Variants in CACNA2D3 observed in about 807,000 individuals in gnomAD.
CACNA2D3 encodes the protein voltage-dependent calcium channel subunit alpha-2/delta-3.
Under a neutral mutation model 160.6 loss-of-function variants are expected in CACNA2D3, and 60 were observed. The ratio of observed to expected loss-of-function variants is 0.37; its 90% CI spans 0.30 to 0.46. The LOEUF (loss-of-function observed/expected upper bound fraction) is 0.46, where lower values mean the gene tolerates loss of function less well. CACNA2D3 is among the 20% of genes least tolerant of loss of function. CACNA2D3 has a pLI of 1.00. For missense variants in CACNA2D3, 1,205 were observed against 1,365.0 expected (o/e 0.88, Z 1.85); for synonymous variants, 558 against 492.9 (o/e 1.13, Z -1.75).
chr3:55,036,146 A>G (rs997561311), intron 35 of CACNA2D3, among the ~76,000 whole-genome samples: 1 of 152,182 alleles, frequency 6.6e-6, no homozygotes, highest in Non-Finnish European at 1.5e-5. Flanking sequence ...TCTATTAACC[A>G]TAAAATGAAA....
intron 3 of CACNA2D3, among the ~76,000 whole-genome samples, chr3:54,365,578 A>C (rs1417675591): frequency 1.3e-5 from 2 of 152,132 alleles, no homozygotes; most frequent in South Asian, 2.1e-4. Context: ...AATACAGGCT[A>C]TCTGGCCGGT....
intron 11 of CACNA2D3, among the ~76,000 whole-genome samples, chr3:54,653,822 C>G (rs1312958846): frequency 6.6e-6 from 1 of 152,156 alleles, no homozygotes; most frequent in Non-Finnish European, 1.5e-5. Context: ...TGGGCTCCAT[C>G]CAGGTGCTGC....
chr3:54,630,094 C>T (rs1260053626), intron 10 of CACNA2D3, among the ~76,000 whole-genome samples: 3 of 152,122 alleles, frequency 2.0e-5, no homozygotes, highest in Non-Finnish European at 4.4e-5. Flanking sequence ...TAATCTTGTG[C>T]AGCTGTGCAT....
Position 54,333,325 on chromosome 3 carries a change from T to C in CACNA2D3, c.321+12767T>C, listed in dbSNP as rs116446359. 3.7e-3 allele frequency among the ~76,000 whole-genome samples: 559 copies of C among 152,184 alleles called. 4 individuals are homozygous for C. The highest frequency in any genetic ancestry group is 0.013 in the African/African-American group (531 of 41,530). On this transcript the variant is annotated intron_variant, in intron 3 of 37. Transcript: ENST00000474759. The stretch of plus-strand genomic sequence containing the variant: ...GGCATTCACTGGAAGAGTTCGGGTG[T>C]CATTTTAAGAATACAGGAAGTTGCG...
At chr3:54,539,921 A>G (rs564574515) in intron 5 of CACNA2D3, among the ~76,000 whole-genome samples, 1 of 152,300 alleles carries the variant, frequency 6.6e-6, no homozygotes, top group South Asian at 2.1e-4. Context: ...GGGTTGGAAG[A>G]GAGGAACCGC....
chr3:54,258,959 C>A (rs1395829548), intron 2 of CACNA2D3, among the ~76,000 whole-genome samples: 3 of 152,210 alleles, frequency 2.0e-5, no homozygotes, highest in African/African-American at 7.2e-5. Flanking sequence ...CCATACTGGA[C>A]TGAGGTAGCT....
At chr3:54,288,685 C>T (rs867402676) in intron 2 of CACNA2D3, among the ~76,000 whole-genome samples, 22 of 152,258 alleles carry the variant, frequency 1.4e-4, no homozygotes, top group Middle Eastern at 6.8e-3. Context: ...CAAATACTGG[C>T]AAACTGAATC....
At chr3:54,939,739 G>A (rs575044332) in intron 27 of CACNA2D3, among the ~76,000 whole-genome samples, 1 of 152,232 alleles carries the variant, frequency 6.6e-6, no homozygotes, top group Non-Finnish European at 1.5e-5. Context: ...TCATTGCTGG[G>A]CAGGAAGGAG....
rs779754091 is a variant in CACNA2D3, at chr3:54,879,340, T to C, written c.1783-10T>C. On this transcript the variant is annotated splice_polypyrimidine_tract_variant and intron_variant, in intron 19 of 37. Coordinates refer to ENST00000474759, the MANE Select transcript of CACNA2D3 (RefSeq NM_018398.3). ...TTTTCTCTACGACTTTTTTTTTTTT[T>C]TCAATCTAGAAACGGGTTTTGGTGA... is the stretch of plus-strand genomic sequence containing the variant. 1 of 1,589,080 alleles carries C rather than the reference T, an allele frequency of 6.3e-7. No homozygotes were observed.
At chr3:55,037,086 C>T (rs549443404) in intron 35 of CACNA2D3, among the ~76,000 whole-genome samples, 26 of 152,246 alleles carry the variant, frequency 1.7e-4, no homozygotes, top group African/African-American at 6.0e-4. Flanking sequence ...TAGGACATGA[C>T]AGTAATTTCC....
chr3:54,824,132 GT>G (rs1306106065), intron 14 of CACNA2D3, among the ~76,000 whole-genome samples: 2 of 152,184 alleles, frequency 1.3e-5, no homozygotes, highest in East Asian at 3.9e-4. Flanking sequence ...AAGGACAAAG[GT>G]TTATAAACAG....
chr3:54,509,338 C>T (rs187486356), intron 5 of CACNA2D3, among the ~76,000 whole-genome samples: 5 of 152,046 alleles, frequency 3.3e-5, no homozygotes, highest in Admixed American at 6.6e-5. Context: ...AGAGAGCACA[C>T]GCACATAAGT....
At position 54,399,905 on chromosome 3, in the gene CACNA2D3, G is replaced by T. The variant is rs1046749616; in HGVS notation, c.381+13131G>T. 2.4e-5 allele frequency among the ~76,000 whole-genome samples: 3 copies of T among 123,212 alleles called. No homozygotes were observed. In the East Asian group the frequency reaches 7.2e-4, roughly 30 times the overall value. The allele number at this position is 123,212 out of a possible 152,430, so 80.8% of individuals were successfully genotyped here. ...CGGGCGCCCCTCCCCCAGCCTCGTT[G>T]CCGCCTTGCAGTTTGATCTCAGACT... is the stretch of plus-strand genomic sequence containing the variant. On this transcript the variant is annotated intron_variant, in intron 4 of 37. Coordinates refer to ENST00000474759, the MANE Select transcript of CACNA2D3 (RefSeq NM_018398.3).
chr3:54,965,389 T>C (rs1702125681), intron 27 of CACNA2D3, among the ~76,000 whole-genome samples: 1 of 152,188 alleles, frequency 6.6e-6, no homozygotes. Context: ...TCCCTTACTG[T>C]TTCCTCCATT....
chr3:54,247,200 C>A (rs1190846166), intron 2 of CACNA2D3, among the ~76,000 whole-genome samples: 2 of 152,070 alleles, frequency 1.3e-5, no homozygotes, highest in Non-Finnish European at 2.9e-5. Context: ...ATCCCAGTTA[C>A]TCGGGAGGCT....
intron 9 of CACNA2D3, among the ~76,000 whole-genome samples, chr3:54,623,259 G>C (rs1205046592): frequency 2.0e-5 from 3 of 152,160 alleles, no homozygotes; most frequent in African/African-American, 7.2e-5. Flanking sequence ...CTTCATTCAG[G>C]TGTGCACCTC....
At chr3:54,877,301 G>A (rs1475322629) in intron 18 of CACNA2D3, 1 of 152,220 alleles carries the variant, frequency 6.6e-6, no homozygotes, top group Non-Finnish European at 1.5e-5. Context: ...CTACTGAAAG[G>A]TGTCTGACAC....
chr3:55,039,659 G>A (rs1167384613), intron 35 of CACNA2D3, among the ~76,000 whole-genome samples: 1 of 152,110 alleles, frequency 6.6e-6, no homozygotes, highest in Non-Finnish European at 1.5e-5. Context: ...AGATATTACA[G>A]GCTTATTTTG....
Position 54,607,572 on chromosome 3 carries a change from C to T in CACNA2D3, c.964-20215C>T, listed in dbSNP as rs540948922. On this transcript the variant is annotated intron_variant, in intron 9 of 37. Coordinates refer to ENST00000474759, the MANE Select transcript of CACNA2D3 (RefSeq NM_018398.3). Reference sequence around the variant, plus strand: ...AAAAAAATACTGACAATACTAAATGCGGGCTAGGACACAGAGCAATTGGAT... The same window carrying T: ...AAAAAAATACTGACAATACTAAATGTGGGCTAGGACACAGAGCAATTGGAT... Among the ~76,000 whole-genome samples, 85 of 152,254 alleles carry T rather than the reference C, an allele frequency of 5.6e-4. 1 individual carries two copies. In the South Asian group the frequency reaches 0.011, roughly 19 times the overall value.
Sources: gnomAD v4.1 joint callset for allele counts (sites outside exome capture counted in the v4.1 genomes callset) on GRCh38, gnomAD v4.1.1 for gene constraint, MANE v1.5 for transcripts, NCBI Gene and HGNC (gene_info 2026-07-23, HGNC 2026-07-21) for gene names.